ST8SIA4: variants seen among roughly 807,000 people sequenced by gnomAD.
ST8SIA4 encodes CMP-N-acetylneuraminate-poly-alpha-2,8-sialyltransferase.
Under a neutral mutation model 33.9 loss-of-function variants are expected in ST8SIA4, and 15 were observed. The observed-to-expected ratio is 0.44, with a 90% CI of 0.30 to 0.68. The LOEUF (loss-of-function observed/expected upper bound fraction) is 0.68. Ranked by LOEUF, ST8SIA4 falls within the 30% of genes least tolerant of loss-of-function variation. The pLI, the probability that ST8SIA4 is intolerant of heterozygous loss-of-function variation, is 0.10. For missense variants in ST8SIA4, 321 were observed against 428.0 expected (o/e 0.75, Z 2.21); for synonymous variants, 171 against 151.2 (o/e 1.13, Z -0.96).
At position 100,878,801 on chromosome 5, in the gene ST8SIA4, ATTG is replaced by A. The variant is rs1032689324; in HGVS notation, c.503+7539_503+7541del. On this transcript the variant is annotated intron_variant, in intron 3 of 4. Transcript: ENST00000231461. ...AACAAAAGATGGTTTTTCTGTAGATATTGTTTCTAAAATGTAGATACTTTCTAA... is the reference window on the plus strand; with the variant it reads ...AACAAAAGATGGTTTTTCTGTAGATATTTCTAAAATGTAGATACTTTCTAA... Among the ~76,000 whole-genome samples, 17 of 152,296 alleles carry A rather than the reference ATTG, an allele frequency of 1.1e-4. No individual in the cohort carries two copies. The South Asian group carries it at 3.5e-3, about 32-fold the overall frequency.
intron 4 of ST8SIA4, among the ~76,000 whole-genome samples, chr5:100,820,368 T>G (rs2112402972): frequency 6.6e-6 from 1 of 152,278 alleles, no homozygotes; most frequent in South Asian, 2.1e-4. Flanking sequence ...ACTGAAAAAC[T>G]TACAATATAA....
rs1285711293 is a variant in ST8SIA4, at chr5:100,807,151, T to C, written c.*4696A>G. 6 of 152,052 alleles carry C rather than the reference T, an allele frequency of 3.9e-5. No homozygotes were observed. The highest frequency in any genetic ancestry group is 3.4e-3 in the Middle Eastern group (1 of 294). The allele number at this position is 152,052 out of a possible 1,614,324, so 9.4% of individuals were successfully genotyped here. A position where few individuals can be genotyped will look rare whatever the true frequency, so the allele number is the denominator to read the frequency against. ...GCTTGTTAAAAATGATCACCTAACA[T>C]TGACATACAAAGTATAACCAAGGGC... On this transcript the variant is annotated 3_prime_UTR_variant, in exon 5 of 5. Transcript: ENST00000231461.
In ST8SIA4 at chr5:100,885,504, G is replaced by T. The variant is rs182858813; in HGVS notation, c.503+839C>A. On this transcript the variant is annotated intron_variant, in intron 3 of 4. Transcript: ENST00000231461. Reference sequence around the variant, plus strand: ...TTCCAGTATATCTTCAAGAGACTGTGTTTTTCAACATGTCAACTCAGCATA... The same window carrying T: ...TTCCAGTATATCTTCAAGAGACTGTTTTTTTCAACATGTCAACTCAGCATA... 1.4e-4 allele frequency: 128 copies of T among 931,002 alleles called. 2 individuals are homozygous for T. In the East Asian group the frequency reaches 0.011, roughly 81 times the overall value. The allele number at this position is 931,002 out of a possible 1,614,324, so 57.7% of individuals were successfully genotyped here. A position where few individuals can be genotyped will look rare whatever the true frequency, so the allele number is the denominator to read the frequency against.
intron 3 of ST8SIA4, among the ~76,000 whole-genome samples, chr5:100,857,962 C>G (rs1751853895): frequency 1.3e-5 from 2 of 151,922 alleles, no homozygotes; most frequent in Admixed American, 6.6e-5. Flanking sequence ...TTTGTTTCTA[C>G]TCATGATTCA....
intron 4 of ST8SIA4, among the ~76,000 whole-genome samples, chr5:100,851,519 G>A (rs957485280): frequency 6.6e-6 from 1 of 151,922 alleles, no homozygotes; most frequent in Non-Finnish European, 1.5e-5. Context: ...AAAACAAGCT[G>A]TATTTATGTG....
At chr5:100,817,326 G>T (rs939674243) in intron 4 of ST8SIA4, among the ~76,000 whole-genome samples, 1 of 151,656 alleles carries the variant, frequency 6.6e-6, no homozygotes, top group African/African-American at 2.4e-5. Context: ...CTCAACTCTA[G>T]AGTCACCCCA....
intron 4 of ST8SIA4, among the ~76,000 whole-genome samples, chr5:100,850,448 TA>T (rs951968572): frequency 7.5e-5 from 11 of 146,596 alleles, no homozygotes; most frequent in Admixed American, 4.1e-4. Context: ...AAGTAAAAAT[TA>T]AAAAAAAAAC....
At chr5:100,881,728 G>C (rs958417400) in intron 3 of ST8SIA4, among the ~76,000 whole-genome samples, 1 of 152,148 alleles carries the variant, frequency 6.6e-6, no homozygotes. Flanking sequence ...GAGGGCCCTG[G>C]TGGTAGAGAA....
rs1382012643 is a variant in ST8SIA4 at position 100,903,048 on chromosome 5, A to G, written c.-93T>C. The G allele has an allele frequency of 5.7e-6, 5 of 877,714 alleles. No homozygotes were observed. In the African/African-American group the frequency reaches 8.4e-5, roughly 15 times the overall value. 54.4% of individuals were successfully genotyped at this position (877,714 alleles called of 1,614,324 possible). ...TTGGGGAGATAGTCGCGGGGGTGAAATCTGTAAAATGCGAGGAGAGCTTGG... is the reference window on the plus strand; with the variant it reads ...TTGGGGAGATAGTCGCGGGGGTGAAGTCTGTAAAATGCGAGGAGAGCTTGG... On this transcript the variant is annotated 5_prime_UTR_variant, in exon 1 of 5. Transcript: ENST00000231461.
At chr5:100,848,300 C>CAA (rs754990972) in intron 4 of ST8SIA4, among the ~76,000 whole-genome samples, 1 of 151,098 alleles carries the variant, frequency 6.6e-6, no homozygotes, top group Non-Finnish European at 1.5e-5. Context: ...ACATACAAAA[C>CAA]GTCTAACAAA....
intron 3 of ST8SIA4, among the ~76,000 whole-genome samples, chr5:100,864,379 C>G (rs1040762326): frequency 2.0e-5 from 3 of 151,756 alleles, no homozygotes; most frequent in African/African-American, 4.8e-5. Context: ...TCGAGACTAT[C>G]CTGGCTAACA....
At chr5:100,842,191 G>C (rs751008371) in intron 4 of ST8SIA4, among the ~76,000 whole-genome samples, 1 of 151,736 alleles carries the variant, frequency 6.6e-6, no homozygotes, top group Non-Finnish European at 1.5e-5. Flanking sequence ...TAAAATATTT[G>C]TATTTATATA....
intron 4 of ST8SIA4, among the ~76,000 whole-genome samples, chr5:100,839,084 T>C (rs1751421098): frequency 6.6e-6 from 1 of 151,924 alleles, no homozygotes; most frequent in African/African-American, 2.4e-5. Flanking sequence ...TACCTTGGCC[T>C]CCCAAAAAGT....
chr5:100,886,821 T>C (rs1210091377), intron 2 of ST8SIA4, among the ~76,000 whole-genome samples: 1 of 152,122 alleles, frequency 6.6e-6, no homozygotes, highest in Non-Finnish European at 1.5e-5. Context: ...AGATTCTTAA[T>C]GACTGTATAC....
chr5:100,863,011 T>C (rs1455003076), intron 3 of ST8SIA4, among the ~76,000 whole-genome samples: 6 of 152,254 alleles, frequency 3.9e-5, no homozygotes, highest in Admixed American at 3.3e-4. Context: ...CTGTGACTTC[T>C]ATCACCTTGT....
chr5:100,893,901 A>AT (rs1752727317), intron 2 of ST8SIA4, among the ~76,000 whole-genome samples: 1 of 152,086 alleles, frequency 6.6e-6, no homozygotes, highest in Non-Finnish European at 1.5e-5. Context: ...TACAGATCAA[A>AT]TTTTTGCTAT....
intron 3 of ST8SIA4, among the ~76,000 whole-genome samples, chr5:100,860,876 A>G (rs1751922713): frequency 6.6e-6 from 1 of 152,304 alleles, no homozygotes; most frequent in African/African-American, 2.4e-5. Context: ...AGACTCAGGT[A>G]TGTTATTCAA....
chr5:100,824,660 A>G (rs1439646550), intron 4 of ST8SIA4, among the ~76,000 whole-genome samples: 2 of 152,164 alleles, frequency 1.3e-5, no homozygotes, highest in Non-Finnish European at 2.9e-5. Context: ...ATCTGAAAAA[A>G]AAGGTGGAGG....
rs1042891526 is a variant in ST8SIA4, at chr5:100,810,043, A to G, written c.*1804T>C. ...AAGAAACAAAACATATATATTCCCC[A>G]TGCCATTTCTTCTTTCCTCAAATTG... On this transcript the variant is annotated 3_prime_UTR_variant, in exon 5 of 5. Transcript: ENST00000231461. 6.6e-6 allele frequency: 1 copy of G among 152,120 alleles called. No homozygotes were observed. The highest frequency in any genetic ancestry group is 1.9e-4 in the East Asian group (1 of 5,200). 9.4% of individuals were successfully genotyped at this position (152,120 alleles called of 1,614,324 possible).
Sources: gnomAD v4.1 joint callset for allele counts (sites outside exome capture counted in the v4.1 genomes callset) on GRCh38, gnomAD v4.1.1 for gene constraint, MANE v1.5 for transcripts, NCBI Gene and HGNC (gene_info 2026-07-23, HGNC 2026-07-21) for gene names.